The following CSTPP1 variants were observed in gnomAD, a reference collection of about 807,000 sequenced individuals.
The protein encoded by CSTPP1 is UPF0705 protein C11orf49.
the CSTPP1 span, chr11:47,051,806 C>T: frequency 6.6e-6 from 1 of 152,318 alleles, no homozygotes; most frequent in Non-Finnish European, 1.5e-5. Context: ...ATTCTCCTGC[C>T]TCAGCCTCCC....
At chr11:47,012,984 A>G in the CSTPP1 span, among the ~76,000 whole-genome samples, 1 of 128,546 alleles carries the variant, frequency 7.8e-6, no homozygotes, top group African/African-American at 2.9e-5. Flanking sequence ...TATTGGTGCG[A>G]GACAGAATGG....
the CSTPP1 span, among the ~76,000 whole-genome samples, chr11:47,063,011 T>C: frequency 6.6e-6 from 1 of 152,236 alleles, no homozygotes; most frequent in Non-Finnish European, 1.5e-5. Flanking sequence ...CCTGCGCGTC[T>C]GTAGGCATTG....
chr11:47,008,992 C>T, the CSTPP1 span, among the ~76,000 whole-genome samples: 2 of 151,328 alleles, frequency 1.3e-5, no homozygotes, highest in African/African-American at 2.4e-5. Context: ...GATCACACCA[C>T]TGCACTCCAG....
the CSTPP1 span, among the ~76,000 whole-genome samples, chr11:46,966,135 C>T: frequency 7.9e-5 from 12 of 152,254 alleles, no homozygotes; most frequent in East Asian, 1.5e-3. Flanking sequence ...CTCTACCTCC[C>T]GGGTTCAAGT....
chr11:46,948,216 C>G, the CSTPP1 span: 5 of 451,354 alleles, frequency 1.1e-5, no homozygotes, highest in Non-Finnish European at 2.2e-5. Flanking sequence ...TGAGTTTGGG[C>G]GCTTGGGCTG....
At chr11:46,937,111 A>G in the CSTPP1 span, among the ~76,000 whole-genome samples, 1 of 152,180 alleles carries the variant, frequency 6.6e-6, no homozygotes, top group Non-Finnish European at 1.5e-5. Context: ...GTTGGCGTTG[A>G]GGATTTGGGG....
the CSTPP1 span, among the ~76,000 whole-genome samples, chr11:47,118,509 G>A: frequency 2.6e-5 from 4 of 152,136 alleles, no homozygotes; most frequent in African/African-American, 4.8e-5. Context: ...GAGGAGCTGC[G>A]ATCCTTTGGA....
the CSTPP1 span, chr11:47,164,229 T>TACCGGTGG: frequency 6.2e-7 from 1 of 1,613,284 alleles, no homozygotes; most frequent in South Asian, 1.1e-5. Flanking sequence ...GCCCTACCAT[T>TACCGGTGG]ACCGGTGGGA....
chr11:47,078,881 A>G, the CSTPP1 span, among the ~76,000 whole-genome samples: 2 of 152,202 alleles, frequency 1.3e-5, no homozygotes, highest in East Asian at 1.9e-4. Flanking sequence ...TCCAGTAGCC[A>G]CGAGTGTCCA....
At chr11:47,069,550 A>G in the CSTPP1 span, among the ~76,000 whole-genome samples, 1 of 152,128 alleles carries the variant, frequency 6.6e-6, no homozygotes, top group Non-Finnish European at 1.5e-5. Context: ...TAGTTACTCC[A>G]CCTGGTTTAA....
chr11:47,108,808 G>A, the CSTPP1 span, among the ~76,000 whole-genome samples: 416 of 147,570 alleles, frequency 2.8e-3, 2 homozygotes, highest in African/African-American at 9.8e-3. Flanking sequence ...TTGGGTTCAA[G>A]CGATTCTCTT....
At chr11:46,957,399 A>T in the CSTPP1 span, among the ~76,000 whole-genome samples, 10 of 152,190 alleles carry the variant, frequency 6.6e-5, no homozygotes, top group South Asian at 2.1e-3. Context: ...CATGCAAAGT[A>T]ATATTTTAGG....
the CSTPP1 span, among the ~76,000 whole-genome samples, chr11:47,119,680 C>G: frequency 7.4e-6 from 1 of 135,956 alleles, no homozygotes; most frequent in Non-Finnish European, 1.5e-5. Context: ...GGTGCGAGCT[C>G]GGCTCACCAC....
the CSTPP1 span, among the ~76,000 whole-genome samples, chr11:46,988,309 C>G: frequency 6.6e-6 from 1 of 152,082 alleles, no homozygotes. Context: ...TGGAAGCAAT[C>G]TAAGTGTCCA....
the CSTPP1 span, among the ~76,000 whole-genome samples, chr11:47,017,280 T>C: frequency 6.6e-6 from 1 of 151,166 alleles, no homozygotes; most frequent in Non-Finnish European, 1.5e-5. Flanking sequence ...GTTCAAGCGG[T>C]TCTCCCACCT....
At chr11:46,976,461 C>CGT in the CSTPP1 span, among the ~76,000 whole-genome samples, 4 of 151,628 alleles carry the variant, frequency 2.6e-5, no homozygotes, top group African/African-American at 9.7e-5. Flanking sequence ...TGTATAGAAT[C>CGT]GTGGGGAATT....
chr11:46,969,693 T>A, the CSTPP1 span, among the ~76,000 whole-genome samples: 1,357 of 152,310 alleles, frequency 8.9e-3, 20 homozygotes, highest in African/African-American at 0.029. Context: ...GTAATGAGAT[T>A]GAACAATGGG....
the CSTPP1 span, among the ~76,000 whole-genome samples, chr11:47,153,502 C>T: frequency 6.6e-6 from 1 of 152,210 alleles, no homozygotes; most frequent in African/African-American, 2.4e-5. Flanking sequence ...AGTGTGCTCT[C>T]ATGGAAGATG....
chr11:47,097,680 G>C, the CSTPP1 span, among the ~76,000 whole-genome samples: 11 of 23,792 alleles, frequency 4.6e-4, no homozygotes, highest in East Asian at 1.7e-3. Context: ...GGAGGGAGGT[G>C]GGGGGGGGTC....
Sources: gnomAD v4.1 joint callset for allele counts (sites outside exome capture counted in the v4.1 genomes callset) on GRCh38, gnomAD v4.1.1 for gene constraint, MANE v1.5 for transcripts, NCBI Gene and HGNC (gene_info 2026-07-23, HGNC 2026-07-21) for gene names.